Variants in CACNA1B observed in about 807,000 individuals in gnomAD.
CACNA1B encodes calcium voltage-gated channel subunit alpha1 B, also known as voltage-dependent N-type calcium channel subunit alpha-1B.
In CACNA1B, 70 loss-of-function variants were observed where a neutral mutation model predicts 247.2. That is an observed-to-expected ratio of 0.28 (90% CI 0.23 to 0.35). The LOEUF (loss-of-function observed/expected upper bound fraction) is 0.35. Among genes scored for constraint, CACNA1B ranks in the 10% least tolerant of loss-of-function variants. The pLI, the probability that CACNA1B is intolerant of heterozygous loss-of-function variation, is 1.00. For synonymous variants in CACNA1B, 1,231 were observed against 1,294.4 expected, an observed-to-expected ratio of 0.95 and a Z score of 1.05; for missense variants, 2,367 against 3,197.4, an observed-to-expected ratio of 0.74 and a Z score of 6.26.
chr9:138,000,293 T>C (rs1405420798), intron 15 of CACNA1B, among the ~76,000 whole-genome samples: 1 of 151,728 alleles, frequency 6.6e-6, no homozygotes, highest in East Asian at 1.9e-4. Context: ...AGAGACAGGG[T>C]TTCACCGTGT....
At chr9:138,004,996 G>A (rs1043945835) in intron 15 of CACNA1B, among the ~76,000 whole-genome samples, 1 of 152,198 alleles carries the variant, frequency 6.6e-6, no homozygotes, top group Non-Finnish European at 1.5e-5. Context: ...TGCTGGCAAG[G>A]ATATAGAGAG....
In CACNA1B at chr9:138,023,348, G is replaced by A; in HGVS notation, c.2605G>A (p.Ala869Thr). 1 of 1,447,508 alleles carries A rather than the reference G, an allele frequency of 6.9e-7. No individual in the cohort carries two copies. The highest frequency in any genetic ancestry group is 1.4e-5 in the South Asian group (1 of 72,700). 89.7% of individuals were successfully genotyped at this position (1,447,508 alleles called of 1,614,324 possible). The change falls in exon 19 of 47, where the codon GCA becomes ACA. Residue 869 changes from alanine to threonine, a missense_variant. Ala to Thr is a moderately conservative substitution (Grantham distance 58). This residue lies in a region of CACNA1B where 631 missense variants were observed against 631.1 expected (regional missense o/e 1.00). Coordinates refer to ENST00000371372, the MANE Select transcript of CACNA1B (RefSeq NM_000718.4). ...KTPAAGDQDRAEAPKAESGEP... is the reference protein window; with the variant it reads ...KTPAAGDQDRTEAPKAESGEP... ...CCCCGCGGCGGGGGACCAGGACCGA[G>A]CAGAGGCCCCGAAGGCGGAGAGCGG...
At chr9:138,017,295 A>G in intron 18 of CACNA1B, 1 of 475,596 alleles carries the variant, frequency 2.1e-6, no homozygotes, top group Non-Finnish European at 4.3e-6. Context: ...TCTCACCGCA[A>G]GTCATTTGCT....
intron 36 of CACNA1B, among the ~76,000 whole-genome samples, chr9:138,078,849 A>T (rs565253398): frequency 2.0e-5 from 3 of 152,298 alleles, no homozygotes; most frequent in South Asian, 2.1e-4. Flanking sequence ...GGCACGATTG[A>T]TGATGAGAGA....
chr9:137,984,144 G>A lies in CACNA1B; in HGVS notation c.1663G>A (p.Val555Met), dbSNP rs576957409. 27 of 1,594,370 alleles carry A rather than the reference G, an allele frequency of 1.7e-5. No homozygotes were observed. Among genetic ancestry groups the A allele is most frequent in the South Asian group, 5.7e-5 (5 of 87,414 alleles). ...TAATGCCATCCCGTTGCAGGTCATC[G>A]TGGGGAGCGTCTTTGAAGTGGTCTG... ...SFNCFDFGVI[V>M]GSVFEVVWAA... Residue 555 changes from valine to methionine, a missense_variant, in exon 13 of 47, where the codon GTG becomes ATG. Val to Met is a conservative substitution (Grantham distance 21). Transcript: ENST00000371372.
At chr9:138,047,545 C>T (rs1041119805) in intron 23 of CACNA1B, 87 bp downstream of exon 23, 1 of 900,420 alleles carries the variant, frequency 1.1e-6, no homozygotes, top group Non-Finnish European at 1.8e-6. Context: ...GGTTGAACCA[C>T]AATTTCTATA....
Position 138,003,564 on chromosome 9 carries a change from T to A in CACNA1B, c.1975-3203T>A, listed in dbSNP as rs74805877. On this transcript the variant is annotated intron_variant, in intron 15 of 46. Coordinates refer to ENST00000371372, the MANE Select transcript of CACNA1B (RefSeq NM_000718.4). ...GATATTTAATTACATTAAACTTTTTTAATACAAAAATAAAAGCAAACAGGA... is the reference window on the plus strand; with the variant it reads ...GATATTTAATTACATTAAACTTTTTAAATACAAAAATAAAAGCAAACAGGA... Among the ~76,000 whole-genome samples, 438 of 152,166 alleles carry A rather than the reference T, an allele frequency of 2.9e-3. 7 individuals carry two copies. In the East Asian group the frequency reaches 0.044, roughly 15 times the overall value.
intron 32 of CACNA1B, among the ~76,000 whole-genome samples, chr9:138,071,888 G>A (rs1292010638): frequency 6.6e-6 from 1 of 151,936 alleles, no homozygotes. Context: ...TTCAGAGTGG[G>A]AGCCTCCAAC....
At position 138,105,744 on chromosome 9, in the gene CACNA1B, G is replaced by C; in HGVS notation, c.5365G>C (p.Val1789Leu). Reference sequence around the variant, plus strand: ...GCCCATCTCCAACGAGGACATGACTGTTCACTTCACGTCCACGCTGATGGC... The same window carrying C: ...GCCCATCTCCAACGAGGACATGACTCTTCACTTCACGTCCACGCTGATGGC... ...NMPISNEDMT[V>L]HFTSTLMALI... Residue 1789 changes from valine to leucine, a missense_variant, in exon 39 of 47, where the codon GTT becomes CTT. Physicochemically the swap from Val to Leu is conservative, Grantham distance 32 (BLOSUM62 1). Coordinates refer to ENST00000371372, the MANE Select transcript of CACNA1B (RefSeq NM_000718.4). The C allele has an allele frequency of 1.9e-6, 3 of 1,567,546 alleles. No homozygotes were observed. Among genetic ancestry groups the C allele is most frequent in the Non-Finnish European group, 2.6e-6 (3 of 1,157,146 alleles).
At chr9:138,022,898 C>G in intron 18 of CACNA1B, 113 bp from the exon 19 acceptor site, 1 of 1,329,118 alleles carries the variant, frequency 7.5e-7, no homozygotes, top group Non-Finnish European at 9.7e-7. Flanking sequence ...CCCGCGGCCA[C>G]GCCTCCCACC....
chr9:137,986,109 T>C lies in CACNA1B; in HGVS notation c.1770-304T>C, dbSNP rs1048940841. Among the ~76,000 whole-genome samples, 2 of 151,970 alleles carry C rather than the reference T, an allele frequency of 1.3e-5. No individual in the cohort carries two copies. The highest frequency in any genetic ancestry group is 2.4e-5 in the African/African-American group (1 of 41,390). On this transcript the variant is annotated intron_variant, in intron 13 of 46. Coordinates refer to ENST00000371372, the MANE Select transcript of CACNA1B (RefSeq NM_000718.4). This position sits in a 1 kb window ranked among gnomAD's most constrained non-coding sequence, Gnocchi z 6.0. The stretch of plus-strand genomic sequence containing the variant: ...GGCAGGGAGGGGCCGAGGATGAAGT[T>C]TGGGATTGGGCCTGGCCACCTGGAT...
In CACNA1B at chr9:138,124,492, C is replaced by G. The variant is rs1035024624; in HGVS notation, c.*2493C>G. 4.0e-5 allele frequency: 6 copies of G among 151,702 alleles called. No homozygotes were observed. The highest frequency in any genetic ancestry group is 2.0e-4 in the Admixed American group (3 of 15,254). The allele number at this position is 151,702 out of a possible 1,614,324, so 9.4% of individuals were successfully genotyped here. On this transcript the variant is annotated 3_prime_UTR_variant, in exon 47 of 47. Transcript: ENST00000371372. ...ACTTAAAAAGAAATTCTGTGATTGA[C>G]TAGTTTGCTGCCTGAGTCATATTTA...
Position 137,976,559 on chromosome 9 carries a change from T to C in CACNA1B, c.1656+540T>C, listed in dbSNP as rs1181475532. Among the ~76,000 whole-genome samples, 10 of 123,998 alleles carry C rather than the reference T, an allele frequency of 8.1e-5. No homozygotes were observed. The East Asian group carries it at 8.2e-4, about 10-fold the overall frequency. The allele number at this position is 123,998 out of a possible 152,430, so 81.3% of individuals were successfully genotyped here. On this transcript the variant is annotated intron_variant, in intron 12 of 46. Transcript: ENST00000371372. ...TGTGTTTCCCAGCTTACCATGACAG[T>C]TGAACACAGACGGCAGGGCAGGGCA...
At position 138,096,354 on chromosome 9, in the gene CACNA1B, C is replaced by CATGT. The variant is rs1234654349; in HGVS notation, c.5095-129_5095-126dup. 7.0e-6 allele frequency: 5 copies of CATGT among 718,804 alleles called. No individual in the cohort carries two copies. The African/African-American group carries it at 8.7e-5, about 13-fold the overall frequency. The allele number at this position is 718,804 out of a possible 1,614,324, so 44.5% of individuals were successfully genotyped here. On this transcript the variant is annotated intron_variant, in intron 36 of 46. Coordinates refer to ENST00000371372, the MANE Select transcript of CACNA1B (RefSeq NM_000718.4). Reference sequence around the variant, plus strand: ...AGTCCCATGGGGAGAGCAGATCGGGCATGTGCTGGTCAAATCAGAGTGACC... The same window carrying CATGT: ...AGTCCCATGGGGAGAGCAGATCGGGCATGTATGTGCTGGTCAAATCAGAGTGACC...
At chr9:137,942,513 C>G (rs1428684881) in intron 6 of CACNA1B, among the ~76,000 whole-genome samples, 1 of 152,198 alleles carries the variant, frequency 6.6e-6, no homozygotes, top group East Asian at 1.9e-4. Context: ...GAAACAGAGA[C>G]TTGCTCACGC....
At chr9:137,918,290 C>A (rs1307171750) in intron 6 of CACNA1B, among the ~76,000 whole-genome samples, 1 of 152,086 alleles carries the variant, frequency 6.6e-6, no homozygotes, top group East Asian at 1.9e-4. Flanking sequence ...CATCCCCCCA[C>A]CACCGACTCT....
At chr9:138,065,735 G>C (rs546155627) in intron 31 of CACNA1B, among the ~76,000 whole-genome samples, 2 of 152,282 alleles carry the variant, frequency 1.3e-5, no homozygotes, top group African/African-American at 4.8e-5. Flanking sequence ...TTCTTCCCCA[G>C]AGTAATTGGT....
intron 13 of CACNA1B, among the ~76,000 whole-genome samples, 158 bp downstream of exon 13, chr9:137,984,408 T>G (rs897565243): frequency 1.3e-5 from 2 of 152,230 alleles, no homozygotes; most frequent in African/African-American, 2.4e-5. Flanking sequence ...AAAACGGCCT[T>G]GTGGGGCCAC....
In CACNA1B at chr9:137,986,394, C is replaced by G. The variant is rs775487828; in HGVS notation, c.1770-19C>G. The G allele has an allele frequency of 6.8e-6, 11 of 1,612,870 alleles. No homozygotes were observed. Among genetic ancestry groups the G allele is most frequent in the Non-Finnish European group, 7.6e-6 (9 of 1,179,438 alleles). ...GTCAGCGTCTGGAGCTGGCTCAGAC[C>G]CCCTGCCTGGCCCCGCAGGTACTGG... On this transcript the variant is annotated intron_variant, in intron 13 of 46. Transcript: ENST00000371372. The surrounding 1 kb of genome is among the most constrained non-coding windows in gnomAD (Gnocchi z 6.0).
Sources: gnomAD v4.1 joint callset for allele counts (sites outside exome capture counted in the v4.1 genomes callset) on GRCh38, gnomAD v4.1.1 for gene constraint, gnomAD v4.1.1 regional missense constraint, Gnocchi (gnomAD v3.1) non-coding constraint, MANE v1.5 for transcripts, NCBI Gene and HGNC (gene_info 2026-07-23, HGNC 2026-07-21) for gene names.